TICRR: variants seen among roughly 807,000 people sequenced by gnomAD.
The protein encoded by TICRR is TOPBP1 interacting checkpoint and replication regulator.
In TICRR, 132 loss-of-function variants were observed where a neutral mutation model predicts 178.1. The observed-to-expected ratio is 0.74, with a 90% confidence interval of 0.64 to 0.86. TICRR has a LOEUF of 0.86. TICRR is among the 40% of genes least tolerant of loss of function. TICRR has a pLI of 0.00. For missense variants in TICRR, 2,587 were observed against 2,334.3 expected, an observed-to-expected ratio of 1.11 and a Z score of -2.23; for synonymous variants, 991 against 900.7, an observed-to-expected ratio of 1.10 and a Z score of -1.79.
At chr15:89,585,571 A>G (rs1202080885) in intron 3 of TICRR, 137 bp from the exon 4 acceptor site, 25 of 670,388 alleles carry the variant, frequency 3.7e-5, no homozygotes, top group Non-Finnish European at 6.5e-5. Context: ...ACCTCTATTA[A>G]TGATCAAATC....
At position 89,616,441 on chromosome 15, in the gene TICRR, C is replaced by T. The variant is rs1963336683; in HGVS notation, c.2906C>T (p.Thr969Ile). The T allele has an allele frequency of 6.2e-7, 1 of 1,614,022 alleles. No individual in the cohort carries two copies. Residue 969 changes from threonine (T) to isoleucine (I), a missense_variant, in exon 16 of 22, where the codon ACT becomes ATT. Transcript: ENST00000268138. ...HKLLTKSVAE[T>I]PVHKQISKRL... The stretch of plus-strand genomic sequence containing the variant: ...CTGCTGACTAAGAGTGTGGCCGAGA[C>T]TCCAGTGCATAAGCAGATCTCCAAA...
At chr15:89,626,855 TAA>T (rs1298328723) in intron 21 of TICRR, 99 bp from the exon 22 acceptor site, 6 of 1,340,678 alleles carry the variant, frequency 4.5e-6, no homozygotes, top group South Asian at 4.1e-5. Flanking sequence ...CTGATTTTCT[TAA>T]AGTCTGTTTT....
chr15:89,616,554 G>T (rs1963339290), intron 16 of TICRR, 59 bp downstream of exon 16: 2 of 1,376,030 alleles, frequency 1.5e-6, no homozygotes, highest in Non-Finnish European at 2.1e-6. Context: ...AAGCGGCCTT[G>T]TGGGCCACTA....
At chr15:89,602,655 T>A in intron 12 of TICRR, 141 bp from the exon 13 acceptor site, 1 of 434,960 alleles carries the variant, frequency 2.3e-6, no homozygotes, top group Non-Finnish European at 3.9e-6. Context: ...GGTGACTTGT[T>A]TTATTATAAA....
chr15:89,595,433 C>T lies in TICRR; in HGVS notation c.1722C>T (p.Thr574=), dbSNP rs1443646952. ...PRTPVRQKMN[T]MCRSLKMLNV... ...CTCCAGTGAGACAGAAGATGAATAC[C>T]ATGTGCCGTTCCTTAAAGATGTTGA... Residue 574 remains threonine (T), a synonymous_variant, in exon 7 of 22, where the codon ACC becomes ACT. Transcript: ENST00000268138. The T allele has an allele frequency of 3.1e-6, 5 of 1,613,994 alleles. No homozygotes were observed. The South Asian group carries it at 5.5e-5, about 18-fold the overall frequency.
rs376881571 is a variant in TICRR at position 89,585,774 on chromosome 15, A to T, written c.1243A>T (p.Ser415Cys). 1.2e-6 allele frequency: 2 copies of T among 1,614,024 alleles called. No individual in the cohort carries two copies. Among genetic ancestry groups the T allele is most frequent in the Non-Finnish European group, 1.7e-6 (2 of 1,180,032 alleles). ...ITGVISPLSA[S>C]AMILTVCRTK... ...TGGAGTTATTTCCCCACTCTCTGCC[A>T]GTGCTATGATCCTCACTGTGTGCCG... The change falls in exon 4 of 22, where the codon AGT (serine) becomes TGT (cysteine). Residue 415 changes from serine to cysteine, a missense_variant. Ser to Cys is a moderately radical substitution (Grantham distance 112). Transcript: ENST00000268138.
intron 7 of TICRR, among the ~76,000 whole-genome samples, chr15:89,599,072 C>T (rs568898132): frequency 6.6e-6 from 1 of 152,082 alleles, no homozygotes; most frequent in Non-Finnish European, 1.5e-5. Context: ...GGACTATTGA[C>T]ATTTTAGACC....
chr15:89,608,968 G>A lies in TICRR; in HGVS notation c.2869+19G>A, dbSNP rs1253988116. The A allele has an allele frequency of 6.4e-7, 1 of 1,568,976 alleles. No individual in the cohort carries two copies. Among genetic ancestry groups the A allele is most frequent in the East Asian group, 2.4e-5 (1 of 42,096 alleles). On this transcript the variant is annotated intron_variant, in intron 15 of 21. Coordinates refer to ENST00000268138, the MANE Select transcript of TICRR (RefSeq NM_152259.4). ...AACAAAGGTACCACATTTCAGAATA[G>A]CTAGGAAAAAGGAAAGGGAGATTCT...
chr15:89,588,861 G>C (rs541987905), intron 4 of TICRR, among the ~76,000 whole-genome samples: 6 of 152,152 alleles, frequency 3.9e-5, no homozygotes, highest in African/African-American at 1.4e-4. Context: ...GACTATGAGC[G>C]TGTAGCCTTT....
Position 89,623,885 on chromosome 15 carries a change from C to T in TICRR, c.3575C>T (p.Thr1192Ile). The change falls in exon 20 of 22, where the codon ACA (threonine) becomes ATA (isoleucine). Residue 1192 changes from threonine to isoleucine, a missense_variant. Transcript: ENST00000268138. ...GAAGGTACCTCTCTTGAAACGAAGA[C>T]ACCAAGAACTCCTAAGAGGCAAGGT... is the stretch of plus-strand genomic sequence containing the variant. Reference protein sequence around the residue: ...AGEGTSLETKTPRTPKRQGTQ... With the variant: ...AGEGTSLETKIPRTPKRQGTQ... 1 of 1,614,034 alleles carries T rather than the reference C, an allele frequency of 6.2e-7. No individual in the cohort carries two copies. The highest frequency in any genetic ancestry group is 8.5e-7 in the Non-Finnish European group (1 of 1,180,016).
chr15:89,625,506 G>T lies in TICRR; in HGVS notation c.5196G>T (p.Thr1732=). Residue 1732 remains threonine (T), a synonymous_variant, in exon 20 of 22, where the codon ACG becomes ACT. Transcript: ENST00000268138. ...DHGLELSIHR[T]PILEDFELEG... is the part of the protein sequence containing the mutation. The stretch of plus-strand genomic sequence containing the variant: ...GCCTTGAACTCAGCATCCACAGGAC[G>T]CCCATCTTGGAGGATTTTGAGCTCG... 1 of 1,613,838 alleles carries T rather than the reference G, an allele frequency of 6.2e-7. No individual in the cohort carries two copies. The highest frequency in any genetic ancestry group is 1.1e-5 in the South Asian group (1 of 91,082).
chr15:89,586,478 A>G (rs1309220429), intron 4 of TICRR, among the ~76,000 whole-genome samples: 1 of 152,192 alleles, frequency 6.6e-6, no homozygotes, highest in Admixed American at 6.5e-5. Flanking sequence ...AGAGAACAAA[A>G]TGGACAAAGA....
rs1041921722 is a variant in TICRR at position 89,575,506 on chromosome 15, G to T, written c.-81G>T. ...AGGGTCCCAAAGGAAAGCAGTGAGT[G>T]GTGCTGTTTCCCTGAAGGAAGGGAC... On this transcript the variant is annotated 5_prime_UTR_variant, in exon 1 of 22. Transcript: ENST00000268138. 6.1e-6 allele frequency: 8 copies of T among 1,315,080 alleles called. No individual in the cohort carries two copies. The African/African-American group carries it at 1.2e-4, about 20-fold the overall frequency. 81.5% of individuals were successfully genotyped at this position (1,315,080 alleles called of 1,614,324 possible). A position where few individuals can be genotyped will look rare whatever the true frequency, so the allele number is the denominator to read the frequency against.
Position 89,600,658 on chromosome 15 carries a change from A to G in TICRR, c.2126A>G (p.Lys709Arg), listed in dbSNP as rs769186305. 6.3e-7 allele frequency: 1 copy of G among 1,589,130 alleles called. No homozygotes were observed. Among genetic ancestry groups the G allele is most frequent in the African/African-American group, 1.3e-5 (1 of 74,216 alleles). ...SKSLRQNLGK[K>R]LDKEDKVREC... is the part of the protein sequence containing the mutation. Reference sequence around the variant, plus strand: ...AGTCTTCGACAGAATCTAGGAAAAAAACTGGATAAGGAAGACAAAGTTAGA... The same window carrying G: ...AGTCTTCGACAGAATCTAGGAAAAAGACTGGATAAGGAAGACAAAGTTAGA... The change falls in exon 9 of 22, where the codon AAA (lysine) becomes AGA (arginine). Residue 709 changes from lysine (K) to arginine (R), a missense_variant. Coordinates refer to ENST00000268138, the MANE Select transcript of TICRR (RefSeq NM_152259.4).
chr15:89,616,498 G>A lies in TICRR; in HGVS notation c.2960+3G>A. Reference sequence around the variant, plus strand: ...CTGCACAGACAAATCAAGGGCAGGTGAGTGACATCCCCATCCGGGCTTCTT... The same window carrying A: ...CTGCACAGACAAATCAAGGGCAGGTAAGTGACATCCCCATCCGGGCTTCTT... On this transcript the variant is annotated splice_donor_region_variant and intron_variant, in intron 16 of 21. Transcript: ENST00000268138. 3 of 1,613,486 alleles carry A rather than the reference G, an allele frequency of 1.9e-6. No individual in the cohort carries two copies. The highest frequency in any genetic ancestry group is 1.7e-6 in the Non-Finnish European group (2 of 1,179,618).
intron 15 of TICRR, among the ~76,000 whole-genome samples, chr15:89,616,128 G>A (rs12148312): frequency 0.49 from 74,459 of 151,922 alleles, 19,145 homozygotes; most frequent in Non-Finnish European, 0.58. Flanking sequence ...CAAGTGATCC[G>A]CCCTCATTAG....
Position 89,601,960 on chromosome 15 carries a change from T to A in TICRR, c.2551T>A (p.Ser851Thr), listed in dbSNP as rs753559360. The change falls in exon 12 of 22, where the codon TCA becomes ACA. Residue 851 changes from serine to threonine, a missense_variant. Coordinates refer to ENST00000268138, the MANE Select transcript of TICRR (RefSeq NM_152259.4). ...SDELQELRTR[S>T]AKKRRKNALI... ...TGAACTGCAGGAACTTCGTACCAGATCAGCCAAGAAGAGAAGGTAAGAGGT... is the reference window on the plus strand; with the variant it reads ...TGAACTGCAGGAACTTCGTACCAGAACAGCCAAGAAGAGAAGGTAAGAGGT... 32 of 1,614,176 alleles carry A rather than the reference T, an allele frequency of 2.0e-5. No individual in the cohort carries two copies. Among genetic ancestry groups the A allele is most frequent in the Non-Finnish European group, 2.6e-5 (31 of 1,180,022 alleles).
At chr15:89,590,439 T>C (rs568230409) in intron 4 of TICRR, among the ~76,000 whole-genome samples, 7 of 152,226 alleles carry the variant, frequency 4.6e-5, no homozygotes, top group Non-Finnish European at 8.8e-5. Flanking sequence ...TGACTATTTA[T>C]ATAGTCTTGG....
Position 89,594,558 on chromosome 15 carries a change from T to C in TICRR, c.1681+4T>C. On this transcript the variant is annotated splice_donor_region_variant and intron_variant, in intron 6 of 21. Transcript: ENST00000268138. ...CAAGAAGACAGCAAAAAGAAACGTA[T>C]GTACCTAGAAAGGCTGTTTCTTAAG... 1 of 1,574,494 alleles carries C rather than the reference T, an allele frequency of 6.4e-7. No homozygotes were observed. Among genetic ancestry groups the C allele is most frequent in the Non-Finnish European group, 8.6e-7 (1 of 1,159,818 alleles).
Sources: gnomAD v4.1 joint callset for allele counts (sites outside exome capture counted in the v4.1 genomes callset) on GRCh38, gnomAD v4.1.1 for gene constraint, MANE v1.5 for transcripts, NCBI Gene and HGNC (gene_info 2026-07-23, HGNC 2026-07-21) for gene names.